Variants in SMURF2 observed in about 807,000 individuals in gnomAD.
SMURF2 encodes the protein E3 ubiquitin-protein ligase SMURF2.
A neutral mutation model predicts 109.6 loss-of-function variants in SMURF2; 48 were observed. That is an observed-to-expected ratio of 0.44 (90% CI 0.35 to 0.56). The LOEUF (loss-of-function observed/expected upper bound fraction) is 0.56. Among genes scored for constraint, SMURF2 ranks in the 20% least tolerant of loss-of-function variants. The probability of loss-of-function intolerance (pLI) is 0.01; values close to 1 mark genes in which losing one functional copy is unlikely to be tolerated. For synonymous variants in SMURF2, 288 were observed against 317.1 expected, an observed-to-expected ratio of 0.91 and a Z score of 0.97; for missense variants, 575 against 909.0, an observed-to-expected ratio of 0.63 and a Z score of 4.72.
chr17:64,631,159 G>A (rs934333164), intron 1 of SMURF2, among the ~76,000 whole-genome samples: 13 of 150,382 alleles, frequency 8.6e-5, no homozygotes, highest in African/African-American at 1.7e-4. Context: ...CAAATTAGCC[G>A]GGTGTGGTGG....
At chr17:64,655,494 A>G (rs1970694538) in intron 1 of SMURF2, among the ~76,000 whole-genome samples, 1 of 151,602 alleles carries the variant, frequency 6.6e-6, no homozygotes, top group Non-Finnish European at 1.5e-5. Flanking sequence ...CTGACCTTAG[A>G]TGATCCACCA....
Position 64,580,780 on chromosome 17 carries a change from T to G in SMURF2, c.772+9A>C. On this transcript the variant is annotated intron_variant, in intron 8 of 18. Transcript: ENST00000262435. The stretch of plus-strand genomic sequence containing the variant: ...ACCACATTTTATTTTTCCTTTGTAG[T>G]TGTCATACCATAGCCTTCTGGTAGG... 1.2e-6 allele frequency: 2 copies of G among 1,612,478 alleles called. No homozygotes were observed. The highest frequency in any genetic ancestry group is 1.3e-5 in the African/African-American group (1 of 75,024).
chr17:64,592,854 T>C (rs1439572457), intron 4 of SMURF2, among the ~76,000 whole-genome samples: 2 of 152,360 alleles, frequency 1.3e-5, no homozygotes, highest in East Asian at 1.9e-4. Flanking sequence ...CTCAGGCTGA[T>C]GATAAACTCA....
In SMURF2 at chr17:64,547,089, T is replaced by C. The variant is rs1327685713; in HGVS notation, c.2071+511A>G. Among the ~76,000 whole-genome samples, 1 of 152,250 alleles carries C rather than the reference T, an allele frequency of 6.6e-6. No homozygotes were observed. The highest frequency in any genetic ancestry group is 6.5e-5 in the Admixed American group (1 of 15,292). On this transcript the variant is annotated intron_variant, in intron 17 of 18. Coordinates refer to ENST00000262435, the MANE Select transcript of SMURF2 (RefSeq NM_022739.4). The surrounding 1 kb of genome is among the most constrained non-coding windows in gnomAD (Gnocchi z 4.2). ...GCTCCTCCCAAAATTAACCAGCTTA[T>C]TCCACAGAAAACCATTCTTAAAAAA...
chr17:64,652,332 T>G (rs1970651730), intron 1 of SMURF2, among the ~76,000 whole-genome samples: 1 of 152,222 alleles, frequency 6.6e-6, no homozygotes, highest in South Asian at 2.1e-4. Flanking sequence ...TACAAGATCC[T>G]AAATCAAAGA....
At chr17:64,576,428 T>C (rs1452043674) in intron 9 of SMURF2, among the ~76,000 whole-genome samples, 1 of 151,808 alleles carries the variant, frequency 6.6e-6, no homozygotes, top group Admixed American at 6.6e-5. Context: ...CTTTGGTAGG[T>C]CGAGGTGAGC....
intron 7 of SMURF2, among the ~76,000 whole-genome samples, chr17:64,583,214 C>A (rs1260565317): frequency 6.6e-6 from 1 of 152,126 alleles, no homozygotes; most frequent in Admixed American, 6.6e-5. Flanking sequence ...GCCACCACGC[C>A]CTGCCTCATT....
intron 1 of SMURF2, among the ~76,000 whole-genome samples, chr17:64,659,139 G>GA (rs1382109931): frequency 6.6e-6 from 1 of 152,118 alleles, no homozygotes; most frequent in Non-Finnish European, 1.5e-5. Context: ...CTTCTTCAGA[G>GA]AGAGTGTGTA....
intron 5 of SMURF2, among the ~76,000 whole-genome samples, chr17:64,587,968 T>G (rs1969686523): frequency 1.3e-5 from 2 of 151,286 alleles, no homozygotes; most frequent in Non-Finnish European, 2.9e-5. Context: ...ATTAACTGGT[T>G]AAATGAATTA....
chr17:64,595,137 T>C (rs1469681760), intron 3 of SMURF2, among the ~76,000 whole-genome samples: 2 of 152,226 alleles, frequency 1.3e-5, no homozygotes, highest in Non-Finnish European at 2.9e-5. Flanking sequence ...TAGTCCAATG[T>C]GCCATATTTT....
intron 1 of SMURF2, among the ~76,000 whole-genome samples, chr17:64,630,465 G>A (rs1418138561): frequency 2.6e-5 from 4 of 152,154 alleles, no homozygotes; most frequent in South Asian, 2.1e-4. Context: ...TGTGCAGAGA[G>A]CTAACTGGCC....
At chr17:64,635,051 G>C (rs569632579) in intron 1 of SMURF2, among the ~76,000 whole-genome samples, 1 of 152,214 alleles carries the variant, frequency 6.6e-6, no homozygotes, top group South Asian at 2.1e-4. Flanking sequence ...ATAAGGCCAG[G>C]CATGGTGGCT....
At chr17:64,571,527 T>C (rs1969398840) in intron 10 of SMURF2, among the ~76,000 whole-genome samples, 1 of 152,124 alleles carries the variant, frequency 6.6e-6, no homozygotes, top group African/African-American at 2.4e-5. Context: ...TGCCTCAGTT[T>C]CCCAAGTAGC....
intron 14 of SMURF2, 27 bp downstream of exon 14, chr17:64,555,793 T>G: frequency 6.8e-7 from 1 of 1,472,074 alleles, no homozygotes; most frequent in Non-Finnish European, 9.2e-7. Flanking sequence ...GAGTTTATAA[T>G]GAAGAGATAG....
At position 64,637,478 on chromosome 17, in the gene SMURF2, TTTGAG is replaced by T. The variant is rs553926793; in HGVS notation, c.52+24346_52+24350del. Among the ~76,000 whole-genome samples, 858 of 152,162 alleles carry T rather than the reference TTTGAG, an allele frequency of 5.6e-3. 6 individuals carry two copies. The highest frequency in any genetic ancestry group is 0.02 in the African/African-American group (810 of 41,512). On this transcript the variant is annotated intron_variant, in intron 1 of 18. Coordinates refer to ENST00000262435, the MANE Select transcript of SMURF2 (RefSeq NM_022739.4). ...TTGTTACATTTAGTCTTTAATCCAC[TTTGAG>T]TTAATTTTTATATATGGCATGAGGT...
chr17:64,557,036 G>A (rs1451023318), intron 13 of SMURF2, among the ~76,000 whole-genome samples: 2 of 151,994 alleles, frequency 1.3e-5, no homozygotes, highest in African/African-American at 4.8e-5. Flanking sequence ...GCCCTTATAT[G>A]GAAAGACAAT....
At chr17:64,619,642 A>G (rs1555690456) in intron 1 of SMURF2, among the ~76,000 whole-genome samples, 3 of 152,058 alleles carry the variant, frequency 2.0e-5, no homozygotes, top group South Asian at 2.1e-4. Flanking sequence ...AGCAGAGTCA[A>G]TGTCTGGTGA....
At chr17:64,557,578 C>A in intron 13 of SMURF2, 30 bp downstream of exon 13, 1 of 1,331,644 alleles carries the variant, frequency 7.5e-7, no homozygotes. Flanking sequence ...CATTATTGGT[C>A]ACAATTCACA....
chr17:64,574,158 C>A (rs1270701485), intron 9 of SMURF2, among the ~76,000 whole-genome samples: 3 of 152,048 alleles, frequency 2.0e-5, no homozygotes, highest in African/African-American at 7.2e-5. Flanking sequence ...AAAAAATGAA[C>A]AATTCTACTG....
Sources: gnomAD v4.1 joint callset for allele counts (sites outside exome capture counted in the v4.1 genomes callset) on GRCh38, gnomAD v4.1.1 for gene constraint, Gnocchi (gnomAD v3.1) non-coding constraint, MANE v1.5 for transcripts, NCBI Gene and HGNC (gene_info 2026-07-23, HGNC 2026-07-21) for gene names.